SREBF2: variants seen among roughly 807,000 people sequenced by gnomAD.
SREBF2 encodes the protein sterol regulatory element binding transcription factor 2.
Under a neutral mutation model 113.1 loss-of-function variants are expected in SREBF2, and 55 were observed. The observed-to-expected ratio is 0.49, with a 90% CI of 0.39 to 0.61. The LOEUF is 0.61. Among genes scored for constraint, SREBF2 ranks in the 20% least tolerant of loss-of-function variants. The pLI, the probability that SREBF2 is intolerant of heterozygous loss-of-function variation, is 0.00. For synonymous variants in SREBF2, 593 were observed against 605.7 expected (o/e 0.98, Z 0.31); for missense variants, 1,349 against 1,487.4 (o/e 0.91, Z 1.53).
intron 1 of SREBF2, among the ~76,000 whole-genome samples, chr22:41,856,318 G>A (rs1434453925): frequency 6.6e-6 from 1 of 151,766 alleles, no homozygotes; most frequent in Non-Finnish European, 1.5e-5. Context: ...TTGTAGAGAT[G>A]GAGTCTCGCT....
At chr22:41,861,265 C>T (rs2077024760) in intron 1 of SREBF2, among the ~76,000 whole-genome samples, 1 of 151,444 alleles carries the variant, frequency 6.6e-6, no homozygotes, top group Non-Finnish European at 1.5e-5. Flanking sequence ...AGGTGGATCA[C>T]AAGGTCAGCA....
chr22:41,898,119 AT>A (rs139639845), intron 14 of SREBF2, among the ~76,000 whole-genome samples: 1 of 151,702 alleles, frequency 6.6e-6, no homozygotes. Context: ...GAACTTTTTT[AT>A]TTTTTTTGAG....
At chr22:41,887,530 CAT>C (rs1428975356) in intron 11 of SREBF2, among the ~76,000 whole-genome samples, 4 of 152,180 alleles carry the variant, frequency 2.6e-5, no homozygotes, top group Admixed American at 2.6e-4. Flanking sequence ...TGCTCAATAT[CAT>C]GTGTAAGAAT....
rs771171590 is a variant in SREBF2 at position 41,880,941 on chromosome 22, G to T, written c.1987G>T (p.Ala663Ser). ...CTTTGAAGACGAAGCTAAGACCAGC[G>T]CCCGGGATGCGGCTCTGGCCTATCA... is the stretch of plus-strand genomic sequence containing the variant. ...AGFEDEAKTS[A>S]RDAALAYHRL... The change falls in exon 10 of 19, where the codon GCC (alanine) becomes TCC (serine). Residue 663 changes from alanine to serine, a missense_variant. Coordinates refer to ENST00000361204, the MANE Select transcript of SREBF2 (RefSeq NM_004599.4). 1 of 1,612,132 alleles carries T rather than the reference G, an allele frequency of 6.2e-7. No homozygotes were observed. Among genetic ancestry groups the T allele is most frequent in the Non-Finnish European group, 8.5e-7 (1 of 1,180,002 alleles).
intron 17 of SREBF2, among the ~76,000 whole-genome samples, chr22:41,903,852 C>T (rs887068090): frequency 3.9e-5 from 6 of 152,172 alleles, no homozygotes; most frequent in Non-Finnish European, 5.9e-5. Context: ...TGAGGTGCTG[C>T]GGGGCCCACC....
At chr22:41,880,431 G>A (rs567214095) in intron 9 of SREBF2, among the ~76,000 whole-genome samples, 4 of 151,910 alleles carry the variant, frequency 2.6e-5, no homozygotes, top group African/African-American at 9.7e-5. Context: ...TACTCTGAGG[G>A]AACTCTGACC....
intron 1 of SREBF2, among the ~76,000 whole-genome samples, chr22:41,849,491 G>A (rs1025339992): frequency 9.9e-5 from 15 of 152,048 alleles, no homozygotes; most frequent in South Asian, 4.1e-4. Flanking sequence ...CACCGCACCC[G>A]CCCCAACAGA....
chr22:41,859,133 A>AG (rs2077002835), intron 1 of SREBF2, among the ~76,000 whole-genome samples: 1 of 152,186 alleles, frequency 6.6e-6, no homozygotes, highest in East Asian at 1.9e-4. Context: ...AAAAAAAAAA[A>AG]AAAAAGTGGG....
intron 1 of SREBF2, among the ~76,000 whole-genome samples, chr22:41,854,205 C>T (rs894313273): frequency 1.3e-5 from 2 of 151,368 alleles, no homozygotes; most frequent in Non-Finnish European, 2.9e-5. Context: ...CTCTTGCCAC[C>T]CAGGCTGGAG....
intron 1 of SREBF2, among the ~76,000 whole-genome samples, chr22:41,864,430 C>T (rs1286921407): frequency 2.0e-5 from 3 of 148,978 alleles, no homozygotes; most frequent in Non-Finnish European, 4.5e-5. Context: ...ACTCCATTCT[C>T]CTGACTCAGC....
intron 10 of SREBF2, 95 bp from the exon 11 acceptor site, chr22:41,884,747 T>G: frequency 7.3e-7 from 1 of 1,361,880 alleles, no homozygotes; most frequent in Non-Finnish European, 1.0e-6. Flanking sequence ...GCTTCTCCCC[T>G]GGTTCCTCTC....
intron 13 of SREBF2, among the ~76,000 whole-genome samples, chr22:41,896,293 T>G (rs1208010064): frequency 6.6e-6 from 1 of 152,200 alleles, no homozygotes; most frequent in South Asian, 2.1e-4. Flanking sequence ...AGTCCTTCTT[T>G]CACAGAGTAA....
intron 11 of SREBF2, among the ~76,000 whole-genome samples, chr22:41,886,923 A>G (rs1310696391): frequency 6.6e-6 from 1 of 152,192 alleles, no homozygotes. Flanking sequence ...AATCTCAGCT[A>G]CTTGGGAGGC....
chr22:41,835,790 C>G (rs1263377524), intron 1 of SREBF2, among the ~76,000 whole-genome samples: 2 of 152,158 alleles, frequency 1.3e-5, no homozygotes. Context: ...CCACACCTAG[C>G]TAATTTATAT....
At chr22:41,837,841 A>G (rs2076792716) in intron 1 of SREBF2, among the ~76,000 whole-genome samples, 1 of 149,392 alleles carries the variant, frequency 6.7e-6, no homozygotes, top group Non-Finnish European at 1.5e-5. Flanking sequence ...CTGGGCAACA[A>G]GAGCAAGACT....
At position 41,862,803 on chromosome 22, in the gene SREBF2, TAAC is replaced by T. The variant is rs548717984; in HGVS notation, c.89-4026_89-4024del. On this transcript the variant is annotated intron_variant, in intron 1 of 18. Coordinates refer to ENST00000361204, the MANE Select transcript of SREBF2 (RefSeq NM_004599.4). ...CACTCCTTTCTGCAGATGTTCATCTTAACAGCCCCTCTGTGCCACTCAGCCCAG... is the reference window on the plus strand; with the variant it reads ...CACTCCTTTCTGCAGATGTTCATCTTAGCCCCTCTGTGCCACTCAGCCCAG... Among the ~76,000 whole-genome samples the T allele has an allele frequency of 3.0e-3, 464 of 152,360 alleles. 1 individual carries two copies. Among genetic ancestry groups the T allele is most frequent in the Middle Eastern group, 0.014 (4 of 294 alleles).
Position 41,870,963 on chromosome 22 carries a change from T to A in SREBF2, c.795T>A (p.Val265=), listed in dbSNP as rs923691347. 6.8e-6 allele frequency: 11 copies of A among 1,614,038 alleles called. No homozygotes were observed. Among genetic ancestry groups the A allele is most frequent in the Non-Finnish European group, 9.3e-6 (11 of 1,180,032 alleles). ...CACTGAAGACAGATGGCAGCCCTGT[T>A]ATGGCTGCGGTCCAGAACCCGGCCC... ...LTTLKTDGSP[V]MAAVQNPALT... is the part of the protein sequence containing the mutation. The change falls in exon 4 of 19, where the codon GTT becomes GTA. Residue 265 remains valine, a synonymous_variant. Transcript: ENST00000361204.
rs2077190151 is a variant in SREBF2, at chr22:41,875,634, C to T, written c.1296C>T (p.Ser432=). 3 of 1,614,012 alleles carry T rather than the reference C, an allele frequency of 1.9e-6. No homozygotes were observed. The highest frequency in any genetic ancestry group is 1.7e-6 in the Non-Finnish European group (2 of 1,180,032). ...TTAATCAGAATGTCCTTCTGATGTC[C>T]CCCCCAGCCTCTGACTCAGGGTCCC... ...EDFNQNVLLM[S]PPASDSGSQA... Residue 432 remains serine (S), a synonymous_variant, in exon 7 of 19, where the codon TCC becomes TCT. Coordinates refer to ENST00000361204, the MANE Select transcript of SREBF2 (RefSeq NM_004599.4).
intron 16 of SREBF2, among the ~76,000 whole-genome samples, chr22:41,900,759 C>A (rs1602350146): frequency 6.6e-6 from 1 of 152,352 alleles, no homozygotes; most frequent in Middle Eastern, 3.4e-3. Context: ...GGCCCATAGC[C>A]TCTGTAAGCC....
Sources: allele counts gnomAD v4.1 joint callset (sites outside exome capture counted in the v4.1 genomes callset), GRCh38; gene constraint gnomAD v4.1.1; transcripts MANE v1.5; gene names NCBI Gene and HGNC (gene_info 2026-07-23, HGNC 2026-07-21).